DTHD1: variants seen among roughly 807,000 people sequenced by gnomAD.
The protein encoded by DTHD1 is death domain-containing protein 1.
In DTHD1, 59 loss-of-function variants were observed where a neutral mutation model predicts 74.8. The observed-to-expected ratio is 0.79, with a 90% CI of 0.64 to 0.98. The LOEUF (loss-of-function observed/expected upper bound fraction) is 0.98, where lower values mean the gene tolerates loss of function less well. Among genes scored for constraint, DTHD1 ranks in the 50% least tolerant of loss-of-function variants. The pLI is 0.00. For missense variants in DTHD1, 1,051 were observed against 1,065.4 expected (o/e 0.99, Z 0.19); for synonymous variants, 365 against 371.1 (o/e 0.98, Z 0.19).
intron 2 of DTHD1, among the ~76,000 whole-genome samples, chr4:36,289,413 G>A (rs1755921507): frequency 6.6e-6 from 1 of 152,072 alleles, no homozygotes; most frequent in Non-Finnish European, 1.5e-5. Flanking sequence ...ATGATTTGAG[G>A]AATTATGATA....
At chr4:36,283,406 T>C (rs1755511691) in intron 1 of DTHD1, among the ~76,000 whole-genome samples, 1 of 152,204 alleles carries the variant, frequency 6.6e-6, no homozygotes, top group African/African-American at 2.4e-5. Flanking sequence ...AAATTTCCAA[T>C]GCTCACAAAT....
At chr4:36,333,620 C>A (rs1758827106) in intron 8 of DTHD1, 1 of 152,436 alleles carries the variant, frequency 6.6e-6, no homozygotes, top group South Asian at 2.1e-4. Context: ...TCCAGCAGAG[C>A]AGCAGTAGGG....
At chr4:36,293,798 T>C (rs1007870239) in intron 4 of DTHD1, 93 bp downstream of exon 4, 35 of 1,110,520 alleles carry the variant, frequency 3.2e-5, no homozygotes, top group Admixed American at 6.9e-5. Flanking sequence ...CAATATTTAA[T>C]ATAACAAAAA....
intron 5 of DTHD1, among the ~76,000 whole-genome samples, chr4:36,299,445 G>T (rs1756631250): frequency 6.6e-6 from 1 of 152,168 alleles, no homozygotes; most frequent in Non-Finnish European, 1.5e-5. Flanking sequence ...CTGCTTTCAA[G>T]ATCTTTTCTT....
intron 8 of DTHD1, among the ~76,000 whole-genome samples, chr4:36,334,243 C>T (rs1758865918): frequency 6.6e-6 from 1 of 152,128 alleles, no homozygotes; most frequent in Non-Finnish European, 1.5e-5. Context: ...CCAAATGTGG[C>T]CTTATCTGAG....
At chr4:36,293,196 A>T (rs1756184164) in intron 3 of DTHD1, among the ~76,000 whole-genome samples, 1 of 152,230 alleles carries the variant, frequency 6.6e-6, no homozygotes, top group South Asian at 2.1e-4. Context: ...ATTCTCGCTA[A>T]TGGAGGCTAG....
chr4:36,293,656 T>C lies in DTHD1; in HGVS notation c.1349T>C (p.Leu450Ser). ...TCAAGCATGGATTCCCGAATATCCTTAAATTACCCTCCAGGAGTTTTTACC... is the reference window on the plus strand; with the variant it reads ...TCAAGCATGGATTCCCGAATATCCTCAAATTACCCTCCAGGAGTTTTTACC... ...LKSSMDSRIS[L>S]NYPPGVFTSP... The change falls in exon 4 of 10, where the codon TTA (leucine) becomes TCA (serine). Residue 450 changes from leucine (L) to serine (S), a missense_variant. Leu to Ser is a moderately radical substitution (Grantham distance 145). Coordinates refer to ENST00000639862, the MANE Select transcript of DTHD1 (RefSeq NM_001170700.3). 6.5e-7 allele frequency: 1 copy of C among 1,547,830 alleles called. No homozygotes were observed. The highest frequency in any genetic ancestry group is 1.4e-5 in the African/African-American group (1 of 73,122).
intron 9 of DTHD1, among the ~76,000 whole-genome samples, chr4:36,342,427 A>G (rs1759364094): frequency 6.6e-6 from 1 of 152,130 alleles, no homozygotes; most frequent in Non-Finnish European, 1.5e-5. Flanking sequence ...TGAGCATGAA[A>G]GTGGGAGAAA....
intron 8 of DTHD1, among the ~76,000 whole-genome samples, chr4:36,325,893 A>G (rs986273054): frequency 1.3e-5 from 2 of 152,182 alleles, no homozygotes; most frequent in Non-Finnish European, 2.9e-5. Context: ...TATCTGCTTT[A>G]GGCTGCCTTC....
In DTHD1 at chr4:36,346,333, G is replaced by A. The variant is rs372774314; in HGVS notation, c.*2509G>A. 1.2e-4 allele frequency among the ~76,000 whole-genome samples: 18 copies of A among 151,676 alleles called. No homozygotes were observed. The East Asian group carries it at 1.6e-3, about 13-fold the overall frequency. ...AAACACTCCCTGTCATAACCCTCCC[G>A]TCTTTCTTTCTCTCTCTCACACATA... On this transcript the variant is annotated 3_prime_UTR_variant, in exon 10 of 10. Coordinates refer to ENST00000639862, the MANE Select transcript of DTHD1 (RefSeq NM_001170700.3).
chr4:36,339,308 A>AGT, intron 9 of DTHD1, 139 bp downstream of exon 9: 1 of 563,410 alleles, frequency 1.8e-6, no homozygotes, highest in Non-Finnish European at 2.9e-6. Flanking sequence ...GGCCTAATAA[A>AGT]TACTTATTTC....
At chr4:36,315,710 T>C (rs962334662) in intron 7 of DTHD1, 5 of 152,092 alleles carry the variant, frequency 3.3e-5, no homozygotes, top group African/African-American at 9.7e-5. Flanking sequence ...CAAAATGGAA[T>C]AGAGAAAGAA....
At chr4:36,319,976 C>T (rs1757959703) in intron 8 of DTHD1, among the ~76,000 whole-genome samples, 3 of 152,182 alleles carry the variant, frequency 2.0e-5, no homozygotes, top group Admixed American at 2.0e-4. Flanking sequence ...TCCTTTGTAC[C>T]AGGTTAAGTG....
chr4:36,288,101 T>C (rs912814566), intron 2 of DTHD1, among the ~76,000 whole-genome samples: 4 of 152,200 alleles, frequency 2.6e-5, no homozygotes, highest in Non-Finnish European at 4.4e-5. Flanking sequence ...TTTTTAAATT[T>C]ATTTTATTTT....
Position 36,302,230 on chromosome 4 carries a change from G to A in DTHD1, c.1644-3961G>A, listed in dbSNP as rs180882617. ...TGCATCAGATCATGGGGGATCTTCC[G>A]TTTTCAATAGCAGTGAGGCAGCAAC... is the stretch of plus-strand genomic sequence containing the variant. On this transcript the variant is annotated intron_variant, in intron 5 of 9. Coordinates refer to ENST00000639862, the MANE Select transcript of DTHD1 (RefSeq NM_001170700.3). Among the ~76,000 whole-genome samples, 17 of 152,314 alleles carry A rather than the reference G, an allele frequency of 1.1e-4. No individual in the cohort carries two copies. In the South Asian group the frequency reaches 1.2e-3, roughly 11 times the overall value.
At chr4:36,325,693 C>T (rs4302481) in intron 8 of DTHD1, among the ~76,000 whole-genome samples, 35,964 of 151,948 alleles carry the variant, frequency 0.24, 4,676 homozygotes, top group Admixed American at 0.3. Context: ...TAGAGGAAGT[C>T]GTGAAGGGGA....
rs113125477 is a variant in DTHD1, at chr4:36,286,829, A to G, written c.887+2238A>G. Among the ~76,000 whole-genome samples, 1,210 of 152,356 alleles carry G rather than the reference A, an allele frequency of 7.9e-3. 6 individuals carry two copies. The highest frequency in any genetic ancestry group is 0.014 in the Middle Eastern group (4 of 294). ...ATGCTAAGTATTTGTGTATTTAAAC[A>G]TATCTAAACATAGAAATGGTACAGC... On this transcript the variant is annotated intron_variant, in intron 2 of 9. Coordinates refer to ENST00000639862, the MANE Select transcript of DTHD1 (RefSeq NM_001170700.3).
At chr4:36,326,119 C>T (rs1233411094) in intron 8 of DTHD1, among the ~76,000 whole-genome samples, 1 of 152,118 alleles carries the variant, frequency 6.6e-6, no homozygotes, top group African/African-American at 2.4e-5. Context: ...CCTCACTTCT[C>T]TTCAAGACTC....
rs79424893 is a variant in DTHD1 at position 36,301,381 on chromosome 4, A to G, written c.1644-4810A>G. On this transcript the variant is annotated intron_variant, in intron 5 of 9. Transcript: ENST00000639862. The stretch of plus-strand genomic sequence containing the variant: ...TTCCCTGATGCCTAATAAAAAGGGT[A>G]ATTTTGGGAGTAGCTCATATCTTAG... 5.0e-3 allele frequency among the ~76,000 whole-genome samples: 758 copies of G among 152,254 alleles called. 10 individuals carry two copies. In the East Asian group the frequency reaches 0.056, roughly 11 times the overall value.
Sources: allele counts gnomAD v4.1 joint callset (sites outside exome capture counted in the v4.1 genomes callset), GRCh38; gene constraint gnomAD v4.1.1; transcripts MANE v1.5; gene names NCBI Gene and HGNC (gene_info 2026-07-23, HGNC 2026-07-21).